The following HECW1 variants were observed in gnomAD, a reference collection of about 807,000 sequenced individuals.
HECW1 encodes E3 ubiquitin-protein ligase HECW1.
In HECW1, 61 loss-of-function variants were observed where a neutral mutation model predicts 182.3. That is an observed-to-expected ratio of 0.33 (90% CI 0.27 to 0.41). The LOEUF (loss-of-function observed/expected upper bound fraction) is 0.41. Ranked by LOEUF, HECW1 falls within the 10% of genes least tolerant of loss-of-function variation. HECW1 has a pLI of 1.00. For synonymous variants in HECW1, 859 were observed against 832.6 expected (o/e 1.03, Z -0.55); for missense variants, 1,739 against 2,108.9 (o/e 0.82, Z 3.44).
intron 12 of HECW1, among the ~76,000 whole-genome samples, chr7:43,451,542 T>C (rs986717241): frequency 6.6e-6 from 1 of 152,198 alleles, no homozygotes; most frequent in African/African-American, 2.4e-5. Flanking sequence ...CATCTGAACT[T>C]GGGAAATTCA....
At chr7:43,358,505 C>T (rs1342632474) in intron 5 of HECW1, among the ~76,000 whole-genome samples, 1 of 152,090 alleles carries the variant, frequency 6.6e-6, no homozygotes, top group Non-Finnish European at 1.5e-5. Flanking sequence ...AAGAACACAT[C>T]CACTAACAGA....
At chr7:43,216,731 T>G (rs1796479301) in intron 2 of HECW1, among the ~76,000 whole-genome samples, 1 of 152,090 alleles carries the variant, frequency 6.6e-6, no homozygotes, top group African/African-American at 2.4e-5. Context: ...CTCAGCTCAC[T>G]GCAACCTCTG....
Position 43,479,729 on chromosome 7 carries a change from T to C in HECW1, c.3219T>C (p.Ser1073=). The C allele has an allele frequency of 2.5e-6, 4 of 1,614,082 alleles. No individual in the cohort carries two copies. The highest frequency in any genetic ancestry group is 3.4e-6 in the Non-Finnish European group (4 of 1,179,986). ...GACAGCACCTCCAGAGGCTCCGAAG[T>C]TACAGCGCTGGAGAGGTAACCCTCC... ...THRQHLQRLR[S]YSAGEASEVS... Residue 1073 remains serine, a synonymous_variant, in exon 17 of 30, where the codon AGT becomes AGC. Coordinates refer to ENST00000395891, the MANE Select transcript of HECW1 (RefSeq NM_015052.5).
At chr7:43,525,408 A>G (rs1298956184) in intron 24 of HECW1, among the ~76,000 whole-genome samples, 2 of 152,192 alleles carry the variant, frequency 1.3e-5, no homozygotes, top group African/African-American at 2.4e-5. Context: ...AAATTATATG[A>G]AAGTATAAAG....
intron 2 of HECW1, among the ~76,000 whole-genome samples, chr7:43,226,178 T>C (rs558729277): frequency 6.6e-6 from 1 of 152,352 alleles, no homozygotes; most frequent in East Asian, 1.9e-4. Context: ...CAAATAATAA[T>C]ATCATGCTTT....
At chr7:43,541,141 C>A (rs1271136035) in intron 24 of HECW1, 22 bp from the exon 25 acceptor site, 3 of 1,582,420 alleles carry the variant, frequency 1.9e-6, no homozygotes, top group African/African-American at 1.3e-5. Flanking sequence ...TTACCGATTT[C>A]TCTGCCTTGT....
intron 16 of HECW1, among the ~76,000 whole-genome samples, chr7:43,475,173 C>T (rs936983769): frequency 2.0e-5 from 3 of 151,966 alleles, no homozygotes; most frequent in African/African-American, 7.3e-5. Context: ...GAAAAGGGCC[C>T]CAAAAATGAA....
chr7:43,564,500 T>C lies in HECW1; in HGVS notation c.*2574T>C. ...TGATTTTTCAACTACCGTTTCCTTA[T>C]CCACCAGTACTACTGATGTCACAGC... is the stretch of plus-strand genomic sequence containing the variant. On this transcript the variant is annotated 3_prime_UTR_variant, in exon 30 of 30. Coordinates refer to ENST00000395891, the MANE Select transcript of HECW1 (RefSeq NM_015052.5). 1 of 190,680 alleles carries C rather than the reference T, an allele frequency of 5.2e-6. No homozygotes were observed. Among genetic ancestry groups the C allele is most frequent in the Non-Finnish European group, 1.1e-5 (1 of 90,744 alleles). 11.8% of individuals were successfully genotyped at this position (190,680 alleles called of 1,614,324 possible).
chr7:43,454,385 T>C (rs567935745), intron 12 of HECW1, among the ~76,000 whole-genome samples: 119 of 152,340 alleles, frequency 7.8e-4, no homozygotes, highest in African/African-American at 2.7e-3. Context: ...TTTACTAATA[T>C]TAGTTTGGGA....
chr7:43,445,085 C>G lies in HECW1; in HGVS notation c.1913C>G (p.Pro638Arg). ...AHPGHSGGHF[P>R]SLANGAAQDG... is the part of the protein sequence containing the mutation. The stretch of plus-strand genomic sequence containing the variant: ...CCTGGCCACTCCGGGGGCCACTTCC[C>G]CAGCCTGGCCAATGGCGCGGCCCAG... Residue 638 changes from proline (P) to arginine (R), a missense_variant, in exon 11 of 30, where the codon CCC becomes CGC. Transcript: ENST00000395891. 1 of 1,602,816 alleles carries G rather than the reference C, an allele frequency of 6.2e-7. No individual in the cohort carries two copies. The highest frequency in any genetic ancestry group is 8.5e-7 in the Non-Finnish European group (1 of 1,175,952).
chr7:43,207,546 T>C (rs1583973095), intron 2 of HECW1, among the ~76,000 whole-genome samples: 1 of 152,320 alleles, frequency 6.6e-6, no homozygotes, highest in East Asian at 1.9e-4. Context: ...TGTAGTCATC[T>C]TACCATGCTA....
chr7:43,218,520 G>C (rs1796644537), intron 2 of HECW1, among the ~76,000 whole-genome samples: 1 of 152,168 alleles, frequency 6.6e-6, no homozygotes, highest in Admixed American at 6.5e-5. Context: ...GGGTATGGCA[G>C]GGCAGAGGGA....
At chr7:43,224,645 C>T (rs892055445) in intron 2 of HECW1, among the ~76,000 whole-genome samples, 2 of 142,626 alleles carry the variant, frequency 1.4e-5, no homozygotes, top group South Asian at 4.4e-4. Flanking sequence ...CACGGCAAGA[C>T]CCTGGCTCTA....
chr7:43,283,594 A>T (rs1180858321), intron 3 of HECW1, among the ~76,000 whole-genome samples: 1 of 152,240 alleles, frequency 6.6e-6, no homozygotes, highest in Non-Finnish European at 1.5e-5. Context: ...CATAAATAAA[A>T]GTTCTTTAGC....
At chr7:43,502,009 A>G (rs1285510051) in intron 21 of HECW1, among the ~76,000 whole-genome samples, 1 of 152,158 alleles carries the variant, frequency 6.6e-6, no homozygotes, top group African/African-American at 2.4e-5. Context: ...AACAGAAACC[A>G]CATGGTCTGC....
intron 5 of HECW1, among the ~76,000 whole-genome samples, chr7:43,331,681 T>C (rs1811512451): frequency 6.6e-6 from 1 of 152,088 alleles, no homozygotes; most frequent in Non-Finnish European, 1.5e-5. Context: ...ATTAACTTAG[T>C]GCTTACAGGT....
intron 2 of HECW1, among the ~76,000 whole-genome samples, chr7:43,214,229 A>T (rs954006613): frequency 1.3e-5 from 2 of 151,698 alleles, no homozygotes; most frequent in Non-Finnish European, 2.9e-5. Context: ...TTATACATGG[A>T]TGTACATACA....
At chr7:43,213,900 AAAAC>A (rs1159255038) in intron 2 of HECW1, among the ~76,000 whole-genome samples, 1 of 152,122 alleles carries the variant, frequency 6.6e-6, no homozygotes, top group Non-Finnish European at 1.5e-5. Context: ...TGCAATGAGA[AAAAC>A]AAAAGGTATA....
chr7:43,151,197 C>A (rs1789281934), intron 2 of HECW1, among the ~76,000 whole-genome samples: 1 of 152,270 alleles, frequency 6.6e-6, no homozygotes, highest in South Asian at 2.1e-4. Flanking sequence ...AAATTCCCAA[C>A]TGGGTGCAGC....
Sources: allele counts gnomAD v4.1 joint callset (sites outside exome capture counted in the v4.1 genomes callset), GRCh38; gene constraint gnomAD v4.1.1; transcripts MANE v1.5; gene names NCBI Gene and HGNC (gene_info 2026-07-23, HGNC 2026-07-21).